The following WDR19 variants were observed in gnomAD, a reference collection of about 807,000 sequenced individuals.
WDR19 encodes the protein WD repeat-containing protein 19.
WDR19 carries 121 observed loss-of-function variants against 180.0 expected under a neutral mutation model. The observed-to-expected ratio is 0.67, with a 90% confidence interval of 0.58 to 0.78. The LOEUF (loss-of-function observed/expected upper bound fraction) is 0.78, where lower values mean the gene tolerates loss of function less well. Ranked by LOEUF, WDR19 falls within the 30% of genes least tolerant of loss-of-function variation. The pLI is 0.00. For synonymous variants in WDR19, 497 were observed against 540.7 expected (o/e 0.92, Z 1.12); for missense variants, 1,450 against 1,640.7 (o/e 0.88, Z 2.01).
At chr4:39,241,893 T>G (rs1276937637) in intron 21 of WDR19, among the ~76,000 whole-genome samples, 2 of 151,546 alleles carry the variant, frequency 1.3e-5, no homozygotes, top group African/African-American at 4.8e-5. Flanking sequence ...ATTTTATATA[T>G]TTTCTTCCAG....
At chr4:39,206,577 G>A (rs1481847376) in intron 9 of WDR19, among the ~76,000 whole-genome samples, 2 of 152,174 alleles carry the variant, frequency 1.3e-5, no homozygotes, top group East Asian at 1.9e-4. Flanking sequence ...GAGACCTAGG[G>A]ATTGGAAAGT....
chr4:39,214,860 C>G (rs1030540840), intron 10 of WDR19, among the ~76,000 whole-genome samples, 189 bp downstream of exon 10: 3 of 151,822 alleles, frequency 2.0e-5, no homozygotes, highest in African/African-American at 7.3e-5. Flanking sequence ...GCAACCTCCA[C>G]CTCCCAGGCT....
Position 39,245,525 on chromosome 4 carries a change from A to G in WDR19, c.2729+73A>G. The G allele has an allele frequency of 2.0e-6, 3 of 1,480,728 alleles. No individual in the cohort carries two copies. In the South Asian group the frequency reaches 3.6e-5, roughly 18 times the overall value. 91.7% of individuals were successfully genotyped at this position (1,480,728 alleles called of 1,614,324 possible). On this transcript the variant is annotated intron_variant, in intron 24 of 36. Coordinates refer to ENST00000399820, the MANE Select transcript of WDR19 (RefSeq NM_025132.4). ...TTACAAATTAACCATTGATATTTGC[A>G]ACCCTGTAAGAAAGGCAAACCAGAG... is the stretch of plus-strand genomic sequence containing the variant.
At chr4:39,229,837 T>C (rs11932351) in intron 17 of WDR19, among the ~76,000 whole-genome samples, 52,184 of 151,968 alleles carry the variant, frequency 0.34, 9,399 homozygotes, top group African/African-American at 0.45. Flanking sequence ...AACTTGCCCT[T>C]TCTAAAACTG....
intron 28 of WDR19, among the ~76,000 whole-genome samples, chr4:39,264,896 T>C (rs1436083377): frequency 6.7e-6 from 1 of 149,852 alleles, no homozygotes; most frequent in African/African-American, 2.5e-5. Context: ...ACTTCAGTGA[T>C]TTAACTCGCC....
Position 39,232,838 on chromosome 4 carries a change from T to G in WDR19, c.2253+566T>G, listed in dbSNP as rs114154834. The stretch of plus-strand genomic sequence containing the variant: ...ACATGTCAGTTTAAGAACCCCTGAG[T>G]ACTCATTAATTATAATGTTAATCAT... On this transcript the variant is annotated intron_variant, in intron 19 of 36. Coordinates refer to ENST00000399820, the MANE Select transcript of WDR19 (RefSeq NM_025132.4). 8.5e-3 allele frequency among the ~76,000 whole-genome samples: 1,294 copies of G among 152,232 alleles called. 23 individuals carry two copies. Among genetic ancestry groups the G allele is most frequent in the African/African-American group, 0.029 (1,223 of 41,562 alleles).
At chr4:39,220,039 C>T (rs976760356) in intron 14 of WDR19, among the ~76,000 whole-genome samples, 4 of 151,760 alleles carry the variant, frequency 2.6e-5, no homozygotes, top group Non-Finnish European at 4.4e-5. Context: ...GGCAACATGG[C>T]GACACCCCCA....
At chr4:39,283,579 T>TG (rs1736804326) in intron 36 of WDR19, among the ~76,000 whole-genome samples, 1 of 152,152 alleles carries the variant, frequency 6.6e-6, no homozygotes, top group Non-Finnish European at 1.5e-5. Flanking sequence ...ATTTTGTACT[T>TG]GATTAATATC....
chr4:39,203,575 C>T (rs531910395), intron 6 of WDR19, 67 bp from the exon 7 acceptor site: 819 of 1,304,872 alleles, frequency 6.3e-4, no homozygotes, highest in Non-Finnish European at 6.9e-4. Flanking sequence ...GTTATCCATT[C>T]TATTAATATT....
intron 8 of WDR19, 90 bp from the exon 9 acceptor site, chr4:39,205,473 T>G: frequency 7.1e-7 from 1 of 1,399,722 alleles, no homozygotes; most frequent in East Asian, 2.5e-5. Flanking sequence ...TATTCTATAA[T>G]TCCTTAATTT....
chr4:39,272,937 A>G, intron 31 of WDR19, 43 bp from the exon 32 acceptor site: 1 of 1,476,038 alleles, frequency 6.8e-7, no homozygotes, highest in Non-Finnish European at 9.2e-7. Flanking sequence ...AATTGGGGCT[A>G]ATCAATGACT....
intron 28 of WDR19, among the ~76,000 whole-genome samples, chr4:39,263,789 T>C (rs569485917): frequency 8.6e-4 from 131 of 152,154 alleles, no homozygotes; most frequent in Non-Finnish European, 1.2e-3. Context: ...CCGGGAGTGG[T>C]GGCATATGCC....
At position 39,268,013 on chromosome 4, in the gene WDR19, C is replaced by T. The variant is rs757564170; in HGVS notation, c.3280C>T (p.Arg1094Cys). The change falls in exon 30 of 37, where the codon CGC (arginine) becomes TGC (cysteine). Residue 1094 changes from arginine to cysteine, a missense_variant. Coordinates refer to ENST00000399820, the MANE Select transcript of WDR19 (RefSeq NM_025132.4). ...GTGTCAGGATGCCAAGTACCTGTTC[C>T]GCTTGTACATGGCTCTGAAGCAATA... The part of the protein sequence containing the change: ...GMPKDAKYLF[R>C]LYMALKQYRE... The T allele has an allele frequency of 5.3e-5, 85 of 1,604,336 alleles. No individual in the cohort carries two copies. Among genetic ancestry groups the T allele is most frequent in the Non-Finnish European group, 5.9e-5 (69 of 1,175,414 alleles).
Position 39,253,774 on chromosome 4 carries a change from A to C in WDR19, c.2877-132A>C, listed in dbSNP as rs1407853185. Reference sequence around the variant, plus strand: ...TGCCTGGGTGACAGAGTGTGACTCCATCTCAAAAAAAAAAAAAAGAACTGC... The same window carrying C: ...TGCCTGGGTGACAGAGTGTGACTCCCTCTCAAAAAAAAAAAAAAGAACTGC... On this transcript the variant is annotated intron_variant, in intron 25 of 36. Transcript: ENST00000399820. 3.8e-5 allele frequency: 26 copies of C among 685,978 alleles called. No homozygotes were observed. In the Admixed American group the frequency reaches 8.0e-4, roughly 21 times the overall value. The allele number at this position is 685,978 out of a possible 1,614,324, so 42.5% of individuals were successfully genotyped here.
chr4:39,211,478 G>A (rs1728495553), intron 9 of WDR19, among the ~76,000 whole-genome samples: 1 of 151,914 alleles, frequency 6.6e-6, no homozygotes, highest in Non-Finnish European at 1.5e-5. Flanking sequence ...AGCAACTCCT[G>A]GAACTAAAAC....
chr4:39,244,311 C>G lies in WDR19; in HGVS notation c.2485C>G (p.Arg829Gly), dbSNP rs775181779. 8 of 1,613,730 alleles carry G rather than the reference C, an allele frequency of 5.0e-6. No individual in the cohort carries two copies. The highest frequency in any genetic ancestry group is 2.2e-5 in the South Asian group (2 of 91,076). The part of the protein sequence containing the change: ...QMSIRMGDIR[R>G]GVNQALKHPS... ...GTCCATAAGAATGGGAGACATACGTCGAGGGGTTAACCAAGCCCTCAAGCA... is the reference window on the plus strand; with the variant it reads ...GTCCATAAGAATGGGAGACATACGTGGAGGGGTTAACCAAGCCCTCAAGCA... Residue 829 changes from arginine to glycine, a missense_variant, in exon 22 of 37, where the codon CGA becomes GGA. By Grantham distance (125) the Arg-to-Gly change is moderately radical. Transcript: ENST00000399820.
intron 20 of WDR19, among the ~76,000 whole-genome samples, chr4:39,235,894 A>G (rs1025747563): frequency 2.0e-5 from 3 of 152,188 alleles, no homozygotes; most frequent in African/African-American, 7.2e-5. Flanking sequence ...GCTCAATATC[A>G]TTAATCATCA....
chr4:39,270,532 C>T (rs1228771928), intron 31 of WDR19, among the ~76,000 whole-genome samples: 1 of 152,152 alleles, frequency 6.6e-6, no homozygotes, highest in Non-Finnish European at 1.5e-5. Flanking sequence ...CACACCACCA[C>T]ACCCAGTTAA....
chr4:39,282,235 AT>A (rs1736612201), intron 36 of WDR19, among the ~76,000 whole-genome samples: 2 of 152,220 alleles, frequency 1.3e-5, no homozygotes, highest in Admixed American at 6.5e-5. Context: ...GGTGTGGGAA[AT>A]TTAGGGACCA....
Sources: gnomAD v4.1 joint callset for allele counts (sites outside exome capture counted in the v4.1 genomes callset) on GRCh38, gnomAD v4.1.1 for gene constraint, MANE v1.5 for transcripts, NCBI Gene and HGNC (gene_info 2026-07-23, HGNC 2026-07-21) for gene names.